The following MANBA variants were observed in gnomAD, a reference collection of about 807,000 sequenced individuals.
The protein encoded by MANBA is mannosidase beta, also known as beta-mannosidase.
In MANBA, 83 loss-of-function variants were observed where a neutral mutation model predicts 111.1. That is an observed-to-expected ratio of 0.75 (90% confidence interval 0.63 to 0.90). The LOEUF (loss-of-function observed/expected upper bound fraction) is 0.90. Ranked by LOEUF, MANBA falls within the 40% of genes least tolerant of loss-of-function variation. MANBA has a pLI of 0.00. For missense variants in MANBA, 1,036 were observed against 1,069.0 expected (o/e 0.97, Z 0.43); for synonymous variants, 370 against 378.7 (o/e 0.98, Z 0.27).
At chr4:102,745,228 A>G (rs1188820075) in intron 1 of MANBA, among the ~76,000 whole-genome samples, 1 of 152,212 alleles carries the variant, frequency 6.6e-6, no homozygotes. Context: ...TACCCTGGTA[A>G]TAGACTGGGG....
At chr4:102,674,854 A>G (rs1321340128) in intron 7 of MANBA, among the ~76,000 whole-genome samples, 2 of 152,254 alleles carry the variant, frequency 1.3e-5, no homozygotes, top group Non-Finnish European at 2.9e-5. Context: ...AATAAAGCCT[A>G]GCCTTAAGCC....
At chr4:102,723,085 A>C (rs1722652230) in intron 3 of MANBA, 44 bp from the exon 4 acceptor site, 1 of 1,563,866 alleles carries the variant, frequency 6.4e-7, no homozygotes, top group Non-Finnish European at 8.8e-7. Flanking sequence ...ATGTGGAAGT[A>C]GTCTTGTGTG....
rs187015132 is a variant in MANBA at position 102,684,112 on chromosome 4, A to G, written c.960+5462T>C. 8.3e-4 allele frequency among the ~76,000 whole-genome samples: 126 copies of G among 152,292 alleles called. 1 individual carries two copies. The highest frequency in any genetic ancestry group is 2.9e-3 in the African/African-American group (120 of 41,552). ...CTGTCTCCTGATATACTCAGTTAAA[A>G]AAAAAAAAAATCCTAAACACGTTTC... On this transcript the variant is annotated intron_variant, in intron 7 of 16. Coordinates refer to ENST00000647097, the MANE Select transcript of MANBA (RefSeq NM_005908.4).
chr4:102,735,973 A>G (rs1723201413), intron 1 of MANBA, among the ~76,000 whole-genome samples: 2 of 152,224 alleles, frequency 1.3e-5, no homozygotes, highest in South Asian at 4.1e-4. Context: ...TTTTTGGACT[A>G]TACTACAATG....
In MANBA at chr4:102,635,851, T is replaced by A; in HGVS notation, c.2157+14A>T. 6.2e-7 allele frequency: 1 copy of A among 1,608,124 alleles called. No individual in the cohort carries two copies. The highest frequency in any genetic ancestry group is 8.5e-7 in the Non-Finnish European group (1 of 1,174,590). On this transcript the variant is annotated intron_variant, in intron 15 of 16. Transcript: ENST00000647097. ...AGTCTCCTTCGATCTTAGAAAACAA[T>A]CCAAGTAACTTACACTGAGTGTCAT...
rs770412470 is a variant in MANBA at position 102,631,711 on chromosome 4, G to C, written c.*346C>G. 2.4e-5 allele frequency: 13 copies of C among 534,806 alleles called. No individual in the cohort carries two copies. The highest frequency in any genetic ancestry group is 6.9e-5 in the Admixed American group (2 of 28,782). 33.1% of individuals were successfully genotyped at this position (534,806 alleles called of 1,614,324 possible). A position where few individuals can be genotyped will look rare whatever the true frequency, so the allele number is the denominator to read the frequency against. On this transcript the variant is annotated 3_prime_UTR_variant, in exon 17 of 17. Coordinates refer to ENST00000647097, the MANE Select transcript of MANBA (RefSeq NM_005908.4). Reference sequence around the variant, plus strand: ...TACATCACCTCAAAACCTTCCATTTGGTTCCATAGATCCTGCCATGTCACA... The same window carrying C: ...TACATCACCTCAAAACCTTCCATTTCGTTCCATAGATCCTGCCATGTCACA...
chr4:102,746,971 C>CAAAAA lies in MANBA; in HGVS notation c.177+13742_177+13746dup, dbSNP rs575851183. Among the ~76,000 whole-genome samples the CAAAAA allele has an allele frequency of 5.4e-3, 492 of 91,720 alleles. 1 individual carries two copies. Among genetic ancestry groups the CAAAAA allele is most frequent in the African/African-American group, 0.017 (428 of 24,622 alleles). The allele number at this position is 91,720 out of a possible 152,430, so 60.2% of individuals were successfully genotyped here. A position where few individuals can be genotyped will look rare whatever the true frequency, so the allele number is the denominator to read the frequency against. On this transcript the variant is annotated intron_variant, in intron 1 of 16. Coordinates refer to ENST00000647097, the MANE Select transcript of MANBA (RefSeq NM_005908.4). ...TGGGTGACAGAGCGAGACTCCATCT[C>CAAAAA]AAAAAAAAAAAAAAAAGAAAGAAAA... is the stretch of plus-strand genomic sequence containing the variant.
intron 7 of MANBA, among the ~76,000 whole-genome samples, chr4:102,678,665 T>C (rs1731827090): frequency 6.6e-6 from 1 of 152,216 alleles, no homozygotes; most frequent in African/African-American, 2.4e-5. Context: ...TTTCTATTCC[T>C]CACTAGATCA....
chr4:102,671,973 A>G (rs1442800272), intron 8 of MANBA: 20 of 401,908 alleles, frequency 5.0e-5, no homozygotes. Context: ...GACCCAGAGC[A>G]CTGTGGGCTC....
chr4:102,647,275 A>G (rs554464621), intron 13 of MANBA, among the ~76,000 whole-genome samples: 5 of 148,054 alleles, frequency 3.4e-5, no homozygotes, highest in Non-Finnish European at 7.4e-5. Flanking sequence ...GCCAAGGTAG[A>G]CACTAACAAG....
intron 1 of MANBA, chr4:102,727,685 TC>T: frequency 2.4e-6 from 3 of 1,270,494 alleles, no homozygotes; most frequent in Non-Finnish European, 3.4e-6. Context: ...CAGCAGAATC[TC>T]CCTCAGGAGG....
chr4:102,643,698 G>A (rs1729980376), intron 13 of MANBA, among the ~76,000 whole-genome samples: 1 of 152,102 alleles, frequency 6.6e-6, no homozygotes, highest in African/African-American at 2.4e-5. Context: ...TTTCTTTAAA[G>A]AAGTGTTTAT....
intron 11 of MANBA, among the ~76,000 whole-genome samples, chr4:102,659,411 T>C (rs1469942445): frequency 2.0e-5 from 3 of 152,208 alleles, no homozygotes; most frequent in South Asian, 2.1e-4. Context: ...TATCCATTCA[T>C]ATTTCATTTC....
chr4:102,638,053 G>A (rs1729706316), intron 14 of MANBA, among the ~76,000 whole-genome samples: 1 of 152,230 alleles, frequency 6.6e-6, no homozygotes, highest in East Asian at 1.9e-4. Flanking sequence ...CTTGCTTGGT[G>A]TGTGGGGGAA....
At chr4:102,686,802 C>T (rs1732236863) in intron 7 of MANBA, among the ~76,000 whole-genome samples, 1 of 152,128 alleles carries the variant, frequency 6.6e-6, no homozygotes, top group Non-Finnish European at 1.5e-5. Flanking sequence ...CTAATTATGA[C>T]TGCCTGGGGT....
chr4:102,749,047 G>GGTTTT (rs1382634422), intron 1 of MANBA, among the ~76,000 whole-genome samples: 2 of 152,060 alleles, frequency 1.3e-5, no homozygotes, highest in Non-Finnish European at 2.9e-5. Context: ...GTTAAGGAAT[G>GGTTTT]GTTATAAGAC....
At chr4:102,751,681 A>G (rs1723806148) in intron 1 of MANBA, 2 of 542,724 alleles carry the variant, frequency 3.7e-6, no homozygotes, top group Non-Finnish European at 7.5e-6. Context: ...CCCCAGCCAG[A>G]GCAATGCATG....
chr4:102,750,877 C>A (rs1421758748), intron 1 of MANBA, among the ~76,000 whole-genome samples: 2 of 152,046 alleles, frequency 1.3e-5, no homozygotes, highest in Non-Finnish European at 2.9e-5. Flanking sequence ...CACGCCACTG[C>A]ACTTCAGCCT....
At chr4:102,664,020 A>G (rs1159214238) in intron 11 of MANBA, among the ~76,000 whole-genome samples, 2 of 152,180 alleles carry the variant, frequency 1.3e-5, no homozygotes, top group African/African-American at 2.4e-5. Flanking sequence ...TATATACCAA[A>G]GTCTACTACT....
Sources: allele counts gnomAD v4.1 joint callset (sites outside exome capture counted in the v4.1 genomes callset), GRCh38; gene constraint gnomAD v4.1.1; transcripts MANE v1.5; gene names NCBI Gene and HGNC (gene_info 2026-07-23, HGNC 2026-07-21).